The following IREB2 variants were observed in gnomAD, a reference collection of about 807,000 sequenced individuals.
IREB2 encodes iron responsive element binding protein 2, also known as iron-responsive element-binding protein 2.
In IREB2, 39 loss-of-function variants were observed where a neutral mutation model predicts 118.8. That is an observed-to-expected ratio of 0.33 (90% CI 0.25 to 0.43). The LOEUF (loss-of-function observed/expected upper bound fraction) is 0.43. Ranked by LOEUF, IREB2 falls within the 20% of genes least tolerant of loss-of-function variation. IREB2 has a pLI of 1.00. For synonymous variants in IREB2, 372 were observed against 392.2 expected, an observed-to-expected ratio of 0.95 and a Z score of 0.61; for missense variants, 900 against 1,147.3, an observed-to-expected ratio of 0.78 and a Z score of 3.11.
At chr15:78,437,478 G>C (rs1237688817), upstream of IREB2, 2 of 152,564 alleles carry the variant, frequency 1.3e-5, no homozygotes, top group Admixed American at 1.3e-4. Flanking sequence ...TTAGAAAGTG[G>C]AGTTATAGCT....
rs757605855 is a variant in IREB2 at position 78,493,929 on chromosome 15, A to C, written c.2345A>C (p.Asn782Thr). ...TNRGLTPREF[N>T]SYGARRGNDA... Reference sequence around the variant, plus strand: ...TGTAGCCTTACCCCTCGTGAATTCAACTCTTACGGAGCTCGAAGAGGTAAT... The same window carrying C: ...TGTAGCCTTACCCCTCGTGAATTCACCTCTTACGGAGCTCGAAGAGGTAAT... Residue 782 changes from asparagine to threonine, a missense_variant, in exon 19 of 22, where the codon AAC becomes ACC. By Grantham distance (65) the Asn-to-Thr change is moderately conservative (BLOSUM62 0). Coordinates refer to ENST00000258886, the MANE Select transcript of IREB2 (RefSeq NM_004136.4). 1.2e-6 allele frequency: 2 copies of C among 1,613,346 alleles called. No individual in the cohort carries two copies. The highest frequency in any genetic ancestry group is 1.7e-6 in the Non-Finnish European group (2 of 1,179,704).
At chr15:78,474,176 G>A (rs546428779) in intron 8 of IREB2, 2 of 152,222 alleles carry the variant, frequency 1.3e-5, no homozygotes, top group African/African-American at 4.8e-5. Context: ...TTATTTTAAT[G>A]ATTAAATCCT....
At chr15:78,445,136 ATTTTT>A (rs200250924) in intron 2 of IREB2, among the ~76,000 whole-genome samples, 2 of 123,426 alleles carry the variant, frequency 1.6e-5, no homozygotes, top group Non-Finnish European at 3.7e-5. Context: ...TCCAGTCTTT[ATTTTT>A]TTTTTTTTTT....
At chr15:78,465,510 C>A in intron 4 of IREB2, 122 bp downstream of exon 4, 2 of 906,808 alleles carry the variant, frequency 2.2e-6, no homozygotes, top group Non-Finnish European at 3.2e-6. Flanking sequence ...TTAGTATTGG[C>A]TAGTATATAA....
At chr15:78,486,075 G>T (rs530353600) in intron 13 of IREB2, among the ~76,000 whole-genome samples, 2 of 152,276 alleles carry the variant, frequency 1.3e-5, no homozygotes, top group Admixed American at 1.3e-4. Flanking sequence ...TGTGGTCTTA[G>T]CTTCAAGATA....
intron 2 of IREB2, among the ~76,000 whole-genome samples, chr15:78,445,836 G>A (rs1048041775): frequency 6.6e-6 from 1 of 152,188 alleles, no homozygotes; most frequent in Non-Finnish European, 1.5e-5. Flanking sequence ...CCAGGCTGGA[G>A]TGTAGTGGTT....
At chr15:78,442,826 G>A (rs1284594708) in intron 2 of IREB2, among the ~76,000 whole-genome samples, 4 of 152,266 alleles carry the variant, frequency 2.6e-5, no homozygotes, top group African/African-American at 9.6e-5. Flanking sequence ...TTTTCCCTGG[G>A]AAATAAGCTG....
chr15:78,443,644 T>C (rs1463435938), intron 2 of IREB2, among the ~76,000 whole-genome samples: 3 of 151,942 alleles, frequency 2.0e-5, no homozygotes, highest in African/African-American at 7.3e-5. Flanking sequence ...TGTTTTTTGT[T>C]TTATTTTGTT....
intron 20 of IREB2, among the ~76,000 whole-genome samples, chr15:78,494,635 G>A (rs749781033): frequency 9.9e-5 from 15 of 152,036 alleles, no homozygotes; most frequent in East Asian, 1.9e-4. Context: ...GTGCAGTGGC[G>A]CAATCACTGC....
rs747113976 is a variant in IREB2 at position 78,439,864 on chromosome 15, A to G, written c.89A>G (p.Lys30Arg). 1.9e-6 allele frequency: 3 copies of G among 1,598,538 alleles called. No individual in the cohort carries two copies. The highest frequency in any genetic ancestry group is 1.7e-5 in the Admixed American group (1 of 59,454). ...CATAAGAAGTTCTTCGATGTATCTA[A>G]ACTTGGCACCAAGTATGGTAATGTT... ...SSHKKFFDVS[K>R]LGTKYDVLPY... Residue 30 changes from lysine (K) to arginine (R), a missense_variant, in exon 2 of 22, where the codon AAA becomes AGA. By Grantham distance (26) the Lys-to-Arg change is conservative. Coordinates refer to ENST00000258886, the MANE Select transcript of IREB2 (RefSeq NM_004136.4).
Position 78,490,497 on chromosome 15 carries a change from A to G in IREB2, c.2152A>G (p.Ile718Val). The change falls in exon 17 of 22, where the codon ATC becomes GTC. Residue 718 changes from isoleucine to valine, a missense_variant. Coordinates refer to ENST00000258886, the MANE Select transcript of IREB2 (RefSeq NM_004136.4). ...TCCATGGGACTTAAAGTCTACTTATATCAGATGCCCTTCATTTTTTGATAA... is the reference window on the plus strand; with the variant it reads ...TCCATGGGACTTAAAGTCTACTTATGTCAGATGCCCTTCATTTTTTGATAA... The part of the protein sequence containing the change: ...LFPWDLKSTY[I>V]RCPSFFDKLT... The G allele has an allele frequency of 2.5e-6, 4 of 1,608,042 alleles. No homozygotes were observed. Among genetic ancestry groups the G allele is most frequent in the Non-Finnish European group, 3.4e-6 (4 of 1,178,196 alleles).
chr15:78,477,698 T>C (rs2051495115), intron 9 of IREB2, among the ~76,000 whole-genome samples: 1 of 151,988 alleles, frequency 6.6e-6, no homozygotes, highest in South Asian at 2.1e-4. Flanking sequence ...GGCGGGAGGA[T>C]CACATGAGTC....
chr15:78,456,726 T>C (rs776540788), intron 2 of IREB2, among the ~76,000 whole-genome samples: 7 of 152,152 alleles, frequency 4.6e-5, no homozygotes, highest in Non-Finnish European at 5.9e-5. Context: ...ATTTGATAAT[T>C]GCTTTTTAAT....
In IREB2 at chr15:78,490,541, A is replaced by C; in HGVS notation, c.2181+15A>C. 1.2e-6 allele frequency: 2 copies of C among 1,602,070 alleles called. No homozygotes were observed. The highest frequency in any genetic ancestry group is 1.7e-6 in the Non-Finnish European group (2 of 1,173,532). On this transcript the variant is annotated intron_variant, in intron 17 of 21. Coordinates refer to ENST00000258886, the MANE Select transcript of IREB2 (RefSeq NM_004136.4). ...TTGATAAACTTGTAAGTACTGTTTT[A>C]CTATTTGATCTTTTAAAGATTGTTA...
At chr15:78,478,620 T>A (rs1208272916) in intron 10 of IREB2, among the ~76,000 whole-genome samples, 1 of 152,224 alleles carries the variant, frequency 6.6e-6, no homozygotes, top group African/African-American at 2.4e-5. Context: ...GAGGATCACT[T>A]GAGCCTGTGG....
At chr15:78,477,422 C>T (rs1383967458) in intron 9 of IREB2, among the ~76,000 whole-genome samples, 2 of 152,144 alleles carry the variant, frequency 1.3e-5, no homozygotes, top group Non-Finnish European at 2.9e-5. Flanking sequence ...GCATGTCTAA[C>T]AGCAAATTAT....
At chr15:78,485,653 A>G in intron 12 of IREB2, 52 bp from the exon 13 acceptor site, 1 of 1,577,024 alleles carries the variant, frequency 6.3e-7, no homozygotes, top group Middle Eastern at 1.7e-4. Context: ...AATATGGGTG[A>G]GAGAGGGAAA....
Position 78,500,537 on chromosome 15 carries a change from CCAAAA to C in IREB2, c.*2395_*2399del, listed in dbSNP as rs1567006821. The C allele has an allele frequency of 2.0e-5, 1 of 50,170 alleles. No individual in the cohort carries two copies. The allele number at this position is 50,170 out of a possible 1,614,324, so 3.1% of individuals were successfully genotyped here. On this transcript the variant is annotated 3_prime_UTR_variant, in exon 22 of 22. Coordinates refer to ENST00000258886, the MANE Select transcript of IREB2 (RefSeq NM_004136.4). ...CTATACCTTGGGTAATTTTGTGTTACCAAAAAAAAAAAAAAAAAAAGGAAGTGTAA... is the reference window on the plus strand; with the variant it reads ...CTATACCTTGGGTAATTTTGTGTTACAAAAAAAAAAAAAAAGGAAGTGTAA...
chr15:78,491,959 CT>C (rs1413517011), intron 18 of IREB2, among the ~76,000 whole-genome samples: 4 of 152,118 alleles, frequency 2.6e-5, no homozygotes, highest in Non-Finnish European at 4.4e-5. Context: ...GTCAACACTT[CT>C]CTCAAATGTA....
Sources: allele counts gnomAD v4.1 joint callset (sites outside exome capture counted in the v4.1 genomes callset), GRCh38; gene constraint gnomAD v4.1.1; transcripts MANE v1.5; gene names NCBI Gene and HGNC (gene_info 2026-07-23, HGNC 2026-07-21).